The following ZFP14 variants were observed in gnomAD, a reference collection of about 807,000 sequenced individuals.
ZFP14 encodes the protein zinc finger protein 14 homolog.
Under a neutral mutation model 54.5 loss-of-function variants are expected in ZFP14, and 22 were observed. The observed-to-expected ratio is 0.40, with a 90% CI of 0.29 to 0.58. The LOEUF (loss-of-function observed/expected upper bound fraction) is 0.58, where lower values mean the gene tolerates loss of function less well. Ranked by LOEUF, ZFP14 falls within the 20% of genes least tolerant of loss-of-function variation. ZFP14 has a pLI of 0.39. For missense variants in ZFP14, 470 were observed against 637.8 expected, an observed-to-expected ratio of 0.74 and a Z score of 2.83; for synonymous variants, 159 against 204.0, an observed-to-expected ratio of 0.78 and a Z score of 1.88.
chr19:36,356,630 C>G (rs538094247), intron 4 of ZFP14, among the ~76,000 whole-genome samples: 1 of 152,050 alleles, frequency 6.6e-6, no homozygotes, highest in Non-Finnish European at 1.5e-5. Flanking sequence ...CTTTCTAACC[C>G]GAACCATCCT....
At chr19:36,358,045 G>GATCTATCTATCTATCT (rs34306634) in intron 4 of ZFP14, among the ~76,000 whole-genome samples, 9 of 141,642 alleles carry the variant, frequency 6.4e-5, no homozygotes, top group South Asian at 4.7e-4. Context: ...GCCCGGCTCT[G>GATCTATCTATCTATCT]ATCTATCTAT....
chr19:36,348,432 A>G (rs1215203581), intron 4 of ZFP14, among the ~76,000 whole-genome samples: 5 of 152,106 alleles, frequency 3.3e-5, no homozygotes, highest in African/African-American at 9.7e-5. Context: ...TCAGGGTAAC[A>G]CCAGCTGACT....
Position 36,349,676 on chromosome 19 carries a change from A to C in ZFP14, c.236-8086T>G, listed in dbSNP as rs542589084. 1.4e-4 allele frequency among the ~76,000 whole-genome samples: 19 copies of C among 131,706 alleles called. No homozygotes were observed. The South Asian group carries it at 3.4e-3, about 23-fold the overall frequency. The allele number at this position is 131,706 out of a possible 152,430, so 86.4% of individuals were successfully genotyped here. A position where few individuals can be genotyped will look rare whatever the true frequency, so the allele number is the denominator to read the frequency against. Reference sequence around the variant, plus strand: ...AGCAAGACTCTGTCTCAAAACAAAAAAAAAATATATATATATATAATATAT... The same window carrying C: ...AGCAAGACTCTGTCTCAAAACAAAACAAAAATATATATATATATAATATAT... On this transcript the variant is annotated intron_variant, in intron 4 of 4. Coordinates refer to ENST00000270001, the MANE Select transcript of ZFP14 (RefSeq NM_020917.3).
intron 4 of ZFP14, among the ~76,000 whole-genome samples, chr19:36,346,639 G>A (rs142547681): frequency 1.3e-5 from 2 of 152,110 alleles, no homozygotes; most frequent in East Asian, 3.9e-4. Flanking sequence ...TGTATTTTTA[G>A]TGGAAACGGG....
At chr19:36,348,679 T>TA (rs565896739) in intron 4 of ZFP14, among the ~76,000 whole-genome samples, 69 of 152,246 alleles carry the variant, frequency 4.5e-4, no homozygotes, top group African/African-American at 1.5e-3. Context: ...GTATTTTTGG[T>TA]AGAGACGGTT....
chr19:36,376,805 G>T (rs36026111), intron 1 of ZFP14, among the ~76,000 whole-genome samples: 3 of 151,976 alleles, frequency 2.0e-5, no homozygotes, highest in African/African-American at 7.3e-5. Context: ...TATATAGCAG[G>T]GTCTATCATT....
intron 4 of ZFP14, among the ~76,000 whole-genome samples, chr19:36,342,014 G>A (rs1031566605): frequency 6.6e-6 from 1 of 151,690 alleles, no homozygotes; most frequent in Non-Finnish European, 1.5e-5. Context: ...ACCACGCCCG[G>A]CTAATTTTTT....
intron 2 of ZFP14, among the ~76,000 whole-genome samples, chr19:36,364,753 C>T (rs2031765000): frequency 6.6e-6 from 1 of 152,112 alleles, no homozygotes; most frequent in South Asian, 2.1e-4. Flanking sequence ...AAACTCAGAT[C>T]TGTGGAGAAG....
intron 1 of ZFP14, among the ~76,000 whole-genome samples, chr19:36,370,208 G>A (rs916162325): frequency 7.9e-5 from 12 of 152,096 alleles, no homozygotes; most frequent in East Asian, 3.9e-4. Flanking sequence ...AGGACGGCTC[G>A]ACATTACCCA....
At chr19:36,368,044 G>C in intron 1 of ZFP14, 73 bp from the exon 2 acceptor site, 1 of 871,884 alleles carries the variant, frequency 1.1e-6, no homozygotes, top group Non-Finnish European at 1.7e-6. Flanking sequence ...TCATAAATAT[G>C]AAAACTTTTT....
At position 36,340,658 on chromosome 19, in the gene ZFP14, G is replaced by A. The variant is rs754391373; in HGVS notation, c.1168C>T (p.His390Tyr). ...RQQLVRHQRIHTREKPYECME... is the reference protein window; with the variant it reads ...RQQLVRHQRIYTREKPYECME... ...CATTCATAGGGTTTCTCACGAGTATGTATTCTCTGATGGCGAACTAGTTGT... is the reference window on the plus strand; with the variant it reads ...CATTCATAGGGTTTCTCACGAGTATATATTCTCTGATGGCGAACTAGTTGT... Residue 390 changes from histidine to tyrosine, a missense_variant, in exon 5 of 5, where the codon CAT (histidine) becomes TAT (tyrosine). Physicochemically the swap from His to Tyr is moderately conservative, Grantham distance 83. Coordinates refer to ENST00000270001, the MANE Select transcript of ZFP14 (RefSeq NM_020917.3). This position sits in a 1 kb window ranked among gnomAD's most constrained non-coding sequence, Gnocchi z 5.4. 24 of 1,613,966 alleles carry A rather than the reference G, an allele frequency of 1.5e-5. No homozygotes were observed. Among genetic ancestry groups the A allele is most frequent in the Non-Finnish European group, 1.0e-5 (12 of 1,180,032 alleles).
chr19:36,336,426 A>G lies in ZFP14; in HGVS notation c.*3798T>C, dbSNP rs1030677768. 1.3e-5 allele frequency: 2 copies of G among 151,446 alleles called. No homozygotes were observed. The highest frequency in any genetic ancestry group is 6.6e-5 in the Admixed American group (1 of 15,194). 9.4% of individuals were successfully genotyped at this position (151,446 alleles called of 1,614,324 possible). On this transcript the variant is annotated 3_prime_UTR_variant, in exon 5 of 5. Coordinates refer to ENST00000270001, the MANE Select transcript of ZFP14 (RefSeq NM_020917.3). Reference sequence around the variant, plus strand: ...GGCTAATTTTGTATCTTTAATAGAGATGGGGTTTCTCAGTGTTGGTCAGGC... The same window carrying G: ...GGCTAATTTTGTATCTTTAATAGAGGTGGGGTTTCTCAGTGTTGGTCAGGC...
rs1384801731 is a variant in ZFP14 at position 36,356,084 on chromosome 19, C to T, written c.235+4351G>A. ...GTACAGAAAAGTCCTGTGTAGACTT[C>T]ACCCAGCCCCTCCCAGTGTTAACAT... On this transcript the variant is annotated intron_variant, in intron 4 of 4. Transcript: ENST00000270001. Among the ~76,000 whole-genome samples the T allele has an allele frequency of 1.4e-5, 2 of 142,002 alleles. 1 individual carries two copies. The highest frequency in any genetic ancestry group is 3.1e-5 in the Non-Finnish European group (2 of 64,194). 93.2% of individuals were successfully genotyped at this position (142,002 alleles called of 152,430 possible).
chr19:36,378,578 G>C (rs2031999307), intron 1 of ZFP14: 1 of 152,148 alleles, frequency 6.6e-6, no homozygotes, highest in Non-Finnish European at 1.5e-5. Flanking sequence ...AACTCATCTG[G>C]ATGTTGACTT....
At chr19:36,365,434 G>A (rs11673166) in intron 2 of ZFP14, among the ~76,000 whole-genome samples, 9 of 152,092 alleles carry the variant, frequency 5.9e-5, no homozygotes, top group Admixed American at 4.6e-4. Context: ...GGCTATATGT[G>A]AAGCACAGTA....
intron 4 of ZFP14, among the ~76,000 whole-genome samples, chr19:36,356,232 C>T (rs967785356): frequency 2.0e-5 from 3 of 151,744 alleles, no homozygotes; most frequent in Admixed American, 6.6e-5. Context: ...GTCAGGAGTT[C>T]GAAACCAGAC....
At chr19:36,348,163 G>GA (rs991604594) in intron 4 of ZFP14, among the ~76,000 whole-genome samples, 2 of 152,150 alleles carry the variant, frequency 1.3e-5, no homozygotes, top group African/African-American at 4.8e-5. Flanking sequence ...CTACAGAACA[G>GA]AAAAATAAGT....
At chr19:36,378,665 G>C (rs1022816505) in intron 1 of ZFP14, 1 of 152,284 alleles carries the variant, frequency 6.6e-6, no homozygotes, top group Non-Finnish European at 1.5e-5. Flanking sequence ...AAAGGAGACG[G>C]GAATCTTGAG....
At position 36,362,101 on chromosome 19, in the gene ZFP14, A is replaced by G. The variant is rs1284289572; in HGVS notation, c.136+11T>C. On this transcript the variant is annotated intron_variant, in intron 3 of 4. Coordinates refer to ENST00000270001, the MANE Select transcript of ZFP14 (RefSeq NM_020917.3). ...GAGAAAGCTAATATCATTTGGGATA[A>G]ATAACCTTACCTAGTGAAATGAAGT... is the stretch of plus-strand genomic sequence containing the variant. The G allele has an allele frequency of 5.7e-6, 9 of 1,586,548 alleles. No individual in the cohort carries two copies. The highest frequency in any genetic ancestry group is 6.8e-6 in the Non-Finnish European group (8 of 1,171,352).
Sources: gnomAD v4.1 joint callset for allele counts (sites outside exome capture counted in the v4.1 genomes callset) on GRCh38, gnomAD v4.1.1 for gene constraint, Gnocchi (gnomAD v3.1) non-coding constraint, MANE v1.5 for transcripts, NCBI Gene and HGNC (gene_info 2026-07-23, HGNC 2026-07-21) for gene names.